GCC2: variants seen among roughly 807,000 people sequenced by gnomAD.
GCC2 encodes GRIP and coiled-coil domain containing 2.
A neutral mutation model predicts 210.6 loss-of-function variants in GCC2; 120 were observed. The observed-to-expected ratio is 0.57, with a 90% CI of 0.49 to 0.66. The LOEUF (loss-of-function observed/expected upper bound fraction) is 0.66, where lower values mean the gene tolerates loss of function less well. GCC2 is among the 30% of genes least tolerant of loss of function. The pLI, the probability that GCC2 is intolerant of heterozygous loss-of-function variation, is 0.00. For missense variants in GCC2, 1,868 were observed against 1,871.9 expected (o/e 1.00, Z 0.04); for synonymous variants, 703 against 652.7 (o/e 1.08, Z -1.17).
chr2:108,505,126 G>A (rs554839753), intron 22 of GCC2, among the ~76,000 whole-genome samples: 1 of 152,314 alleles, frequency 6.6e-6, no homozygotes, highest in African/African-American at 2.4e-5. Context: ...TTTGCACAAG[G>A]GCAGGGGCCT....
At position 108,471,395 on chromosome 2, in the gene GCC2, CTCTT is replaced by C; in HGVS notation, c.2068_2071del (p.Leu690MetfsTer14). ...GAAGTATTGTCAGCTGAAGTGAAGT[CTCTT>C]TATGAGGAAAACAATAAACTCAGTT... is the stretch of plus-strand genomic sequence containing the variant. On this transcript the variant is annotated frameshift_variant, in exon 6 of 23. Transcript: ENST00000309863. LOFTEE classifies it high-confidence loss of function. 1.2e-6 allele frequency: 2 copies of C among 1,607,124 alleles called. No homozygotes were observed. Among genetic ancestry groups the C allele is most frequent in the Non-Finnish European group, 1.7e-6 (2 of 1,178,158 alleles).
intron 5 of GCC2, chr2:108,469,350 CAT>C: frequency 2.4e-6 from 1 of 425,172 alleles, no homozygotes; most frequent in East Asian, 3.7e-5. Context: ...GATTTTCACA[CAT>C]GACTAAATAC....
chr2:108,504,269 GT>G (rs1683077466), intron 22 of GCC2, among the ~76,000 whole-genome samples: 1 of 152,062 alleles, frequency 6.6e-6, no homozygotes, highest in Non-Finnish European at 1.5e-5. Flanking sequence ...GATATAAAAT[GT>G]TTATGATGTT....
intron 22 of GCC2, among the ~76,000 whole-genome samples, chr2:108,502,384 T>G (rs1341087570): frequency 6.6e-6 from 1 of 152,106 alleles, no homozygotes; most frequent in Non-Finnish European, 1.5e-5. Context: ...GAGACTAACC[T>G]AAGGGATACC....
intron 18 of GCC2, among the ~76,000 whole-genome samples, chr2:108,492,118 T>C (rs527441685): frequency 6.6e-6 from 1 of 151,716 alleles, no homozygotes; most frequent in East Asian, 1.9e-4. Flanking sequence ...TAAAGTTTTC[T>C]GAGTAAATCA....
chr2:108,505,598 A>G (rs1683142634), intron 22 of GCC2, among the ~76,000 whole-genome samples: 1 of 152,144 alleles, frequency 6.6e-6, no homozygotes. Context: ...CTACCATCCC[A>G]TAGGCAAGGA....
chr2:108,495,286 A>G lies in GCC2; in HGVS notation c.4448-5A>G, dbSNP rs747483877. ...CACACTTAACCTTTTAAAAAAATCT[A>G]ATAGGCCCAGTTTCCTCTCAACAAT... On this transcript the variant is annotated splice_polypyrimidine_tract_variant and splice_region_variant and intron_variant, in intron 19 of 22. Coordinates refer to ENST00000309863, the MANE Select transcript of GCC2 (RefSeq NM_181453.4). The G allele has an allele frequency of 3.8e-6, 6 of 1,571,094 alleles. No individual in the cohort carries two copies. The highest frequency in any genetic ancestry group is 5.2e-6 in the Non-Finnish European group (6 of 1,162,696).
In GCC2 at chr2:108,487,759, C is replaced by T. The variant is rs756721047; in HGVS notation, c.3991C>T (p.Leu1331=). ...CTACAAAGTCCGAGTTCATAATGTT[C>T]TAAAACAACAGAAAAATAAATCTAT... ...ESYKVRVHNV[L]KQQKNKSMSQ... is the part of the protein sequence containing the mutation. Residue 1331 remains leucine (L), a synonymous_variant, in exon 17 of 23, where the codon CTA becomes TTA. Coordinates refer to ENST00000309863, the MANE Select transcript of GCC2 (RefSeq NM_181453.4). 6.2e-7 allele frequency: 1 copy of T among 1,613,276 alleles called. No homozygotes were observed. The highest frequency in any genetic ancestry group is 1.1e-5 in the South Asian group (1 of 91,050).
In GCC2 at chr2:108,469,935, A is replaced by G. The variant is rs1573367444; in HGVS notation, c.606A>G (p.Gln202=). 3 of 1,613,722 alleles carry G rather than the reference A, an allele frequency of 1.9e-6. No individual in the cohort carries two copies. The highest frequency in any genetic ancestry group is 1.7e-6 in the Non-Finnish European group (2 of 1,179,810). ...TTGAGGAGCAAATTTTATATCTGCAAAAGCAATTAGACGCTACCACTGATG... is the reference window on the plus strand; with the variant it reads ...TTGAGGAGCAAATTTTATATCTGCAGAAGCAATTAGACGCTACCACTGATG... The part of the protein sequence containing the change: ...PGFEEQILYL[Q]KQLDATTDEK... Residue 202 remains glutamine (Q), a synonymous_variant, in exon 6 of 23, where the codon CAA becomes CAG. Coordinates refer to ENST00000309863, the MANE Select transcript of GCC2 (RefSeq NM_181453.4).
chr2:108,463,480 G>A (rs991371157), intron 4 of GCC2, among the ~76,000 whole-genome samples: 1 of 152,158 alleles, frequency 6.6e-6, no homozygotes, highest in African/African-American at 2.4e-5. Flanking sequence ...AGCATCAGTG[G>A]TGTCTGTGAT....
rs1558741601 is a variant in GCC2 at position 108,471,961 on chromosome 2, CTT to C, written c.2635_2636del (p.Leu879AsnfsTer4). The C allele has an allele frequency of 6.2e-7, 1 of 1,604,110 alleles. No individual in the cohort carries two copies. Among genetic ancestry groups the C allele is most frequent in the Non-Finnish European group, 8.5e-7 (1 of 1,177,336 alleles). ...NEKTRLENQNLLIQVEEVSQT... is the reference protein window; with the variant it reads ...NEKTRLENQNXLIQVEEVSQT... Reference sequence around the variant, plus strand: ...AAAAACAAGGCTTGAAAATCAGAATCTTTTAATTCAAGTTGAAGAAGTATCTC... The same window carrying C: ...AAAAACAAGGCTTGAAAATCAGAATCTTAATTCAAGTTGAAGAAGTATCTC... On this transcript the variant is annotated frameshift_variant, in exon 6 of 23. Transcript: ENST00000309863. LOFTEE classifies it high-confidence loss of function.
intron 9 of GCC2, among the ~76,000 whole-genome samples, chr2:108,478,963 C>T (rs933604313): frequency 6.6e-6 from 1 of 152,042 alleles, no homozygotes; most frequent in African/African-American, 2.4e-5. Flanking sequence ...GAGGCCGTGG[C>T]TTGAGGATTG....
chr2:108,478,436 A>ACT (rs1258921878), intron 9 of GCC2, among the ~76,000 whole-genome samples: 2 of 152,190 alleles, frequency 1.3e-5, no homozygotes, highest in Non-Finnish European at 2.9e-5. Flanking sequence ...GATACTGAGT[A>ACT]ATTTTTGGAG....
chr2:108,485,257 C>T (rs1230849701), intron 13 of GCC2, among the ~76,000 whole-genome samples: 2 of 150,108 alleles, frequency 1.3e-5, no homozygotes, highest in Non-Finnish European at 3.0e-5. Flanking sequence ...ACCAGCATGG[C>T]ACATGTATAC....
intron 16 of GCC2, 83 bp downstream of exon 16, chr2:108,486,731 C>A: frequency 7.7e-7 from 1 of 1,296,538 alleles, no homozygotes; most frequent in South Asian, 1.5e-5. Flanking sequence ...CTGTGCTCTG[C>A]CTTTTTAGTA....
chr2:108,449,320 C>G lies in GCC2; in HGVS notation c.6+40C>G, dbSNP rs1271522862. The G allele has an allele frequency of 1.3e-5, 20 of 1,542,214 alleles. No individual in the cohort carries two copies. The Admixed American group carries it at 1.4e-4, about 11-fold the overall frequency. On this transcript the variant is annotated intron_variant, in intron 1 of 22. Coordinates refer to ENST00000309863, the MANE Select transcript of GCC2 (RefSeq NM_181453.4). The stretch of plus-strand genomic sequence containing the variant: ...GCCCACTGCCTCCCATCAAGCCTTC[C>G]GCGCCGCGATTTGGGATGTGGGAGT...
chr2:108,462,910 A>G (rs1341458920), intron 4 of GCC2, among the ~76,000 whole-genome samples: 8 of 145,656 alleles, frequency 5.5e-5, no homozygotes. Context: ...TTTTTTTTTG[A>G]CTATATCAGA....
intron 4 of GCC2, among the ~76,000 whole-genome samples, chr2:108,455,247 C>T (rs1680192602): frequency 6.6e-6 from 1 of 152,102 alleles, no homozygotes; most frequent in South Asian, 2.1e-4. Context: ...GGAGACCAGC[C>T]TGGCCAACTT....
At position 108,483,072 on chromosome 2, in the gene GCC2, C is replaced by T. The variant is rs766506745; in HGVS notation, c.3356C>T (p.Thr1119Ile). The change falls in exon 12 of 23, where the codon ACT (threonine) becomes ATT (isoleucine). Residue 1119 changes from threonine (T) to isoleucine (I), a missense_variant. Thr to Ile is a moderately conservative substitution (Grantham distance 89, BLOSUM62 -1). Transcript: ENST00000309863. Reference sequence around the variant, plus strand: ...TATTTTTAATTTCAGGAACATGCCACTACTGTAAATGAACTTGAAGAACTT... The same window carrying T: ...TATTTTTAATTTCAGGAACATGCCATTACTGTAAATGAACTTGAAGAACTT... The part of the protein sequence containing the change: ...QKEQKIKEHA[T>I]TVNELEELQV... The T allele has an allele frequency of 1.3e-6, 2 of 1,543,686 alleles. No individual in the cohort carries two copies. Among genetic ancestry groups the T allele is most frequent in the South Asian group, 1.1e-5 (1 of 89,478 alleles).
Sources: gnomAD v4.1 joint callset for allele counts (sites outside exome capture counted in the v4.1 genomes callset) on GRCh38, gnomAD v4.1.1 for gene constraint, MANE v1.5 for transcripts, NCBI Gene and HGNC (gene_info 2026-07-23, HGNC 2026-07-21) for gene names.